The following RHPN2 variants were observed in gnomAD, a reference collection of about 807,000 sequenced individuals.
The protein encoded by RHPN2 is rhophilin-2.
In RHPN2, 40 loss-of-function variants were observed where a neutral mutation model predicts 79.0. The ratio of observed to expected loss-of-function variants is 0.51; its 90% CI spans 0.39 to 0.66. RHPN2 has a LOEUF of 0.66. Ranked by LOEUF, RHPN2 falls within the 30% of genes least tolerant of loss-of-function variation. The pLI is 0.00. For missense variants in RHPN2, 686 were observed against 883.5 expected (o/e 0.78, Z 2.83); for synonymous variants, 285 against 363.5 (o/e 0.78, Z 2.46).
chr19:33,047,420 TA>T, intron 1 of RHPN2, among the ~76,000 whole-genome samples: 1 of 152,326 alleles, frequency 6.6e-6, no homozygotes, highest in East Asian at 1.9e-4. Context: ...AAGATCAGAA[TA>T]AAAGCTGCAT....
intron 9 of RHPN2, among the ~76,000 whole-genome samples, chr19:33,000,110 G>T (rs1467681074): frequency 1.3e-5 from 2 of 152,148 alleles, no homozygotes; most frequent in Admixed American, 1.3e-4. Context: ...GGGTTCAAAC[G>T]ATCCTCCTGC....
At chr19:33,028,142 T>A (rs1223848889) in intron 2 of RHPN2, among the ~76,000 whole-genome samples, 2 of 148,162 alleles carry the variant, frequency 1.3e-5, no homozygotes, top group Non-Finnish European at 3.0e-5. Context: ...ATAATCAATA[T>A]ACAAAAATCA....
At chr19:33,021,540 T>G in intron 4 of RHPN2, 31 bp downstream of exon 4, 1 of 1,583,564 alleles carries the variant, frequency 6.3e-7, no homozygotes, top group Non-Finnish European at 8.7e-7. Context: ...TTTTAAACAC[T>G]GAGTCTGGTG....
chr19:33,031,602 C>T (rs1972012726), intron 2 of RHPN2, among the ~76,000 whole-genome samples: 1 of 151,988 alleles, frequency 6.6e-6, no homozygotes, highest in Non-Finnish European at 1.5e-5. Context: ...TGGTCTCCAA[C>T]TCCTGGGCTC....
At chr19:33,027,489 T>C (rs1024693849) in intron 2 of RHPN2, among the ~76,000 whole-genome samples, 3 of 151,334 alleles carry the variant, frequency 2.0e-5, no homozygotes, top group Admixed American at 6.6e-5. Flanking sequence ...AGCAAGACAC[T>C]GTCTCTAAAA....
intron 1 of RHPN2, among the ~76,000 whole-genome samples, chr19:33,063,992 C>T (rs1317833600): frequency 6.6e-6 from 1 of 152,198 alleles, no homozygotes; most frequent in Non-Finnish European, 1.5e-5. Flanking sequence ...CCACCAGCAG[C>T]TCTCCCCTGC....
chr19:33,064,755 T>TGGCCCCCCCCCCCC, intron 1 of RHPN2, 29 bp downstream of exon 1: 2 of 1,427,946 alleles, frequency 1.4e-6, no homozygotes, highest in Non-Finnish European at 1.9e-6. Flanking sequence ...AGCCCGCAGG[T>TGGCCCCCCCCCCCC]CCCCGCCCGC....
chr19:33,012,611 GCCACC>G, intron 5 of RHPN2, 31 bp downstream of exon 5: 1 of 1,373,334 alleles, frequency 7.3e-7, no homozygotes, highest in Non-Finnish European at 1.0e-6. Flanking sequence ...ACTCGGAAAA[GCCACC>G]CTCCCCTCTC....
chr19:33,021,894 T>G lies in RHPN2; in HGVS notation c.315-248A>C, dbSNP rs1971927303. Among the ~76,000 whole-genome samples the G allele has an allele frequency of 2.0e-5, 3 of 152,290 alleles. 1 individual carries two copies. In the South Asian group the frequency reaches 6.2e-4, roughly 32 times the overall value. ...CTAACACATCAGGCCCCTGGCATCTTGACACTGATTTATCTTCCAGTTTCA... is the reference window on the plus strand; with the variant it reads ...CTAACACATCAGGCCCCTGGCATCTGGACACTGATTTATCTTCCAGTTTCA... On this transcript the variant is annotated intron_variant, in intron 3 of 14. Transcript: ENST00000254260.
chr19:33,032,299 G>A (rs1310085476), intron 2 of RHPN2, among the ~76,000 whole-genome samples: 1 of 152,294 alleles, frequency 6.6e-6, no homozygotes, highest in East Asian at 1.9e-4. Flanking sequence ...TTATAGGCGT[G>A]AGCCACCGTG....
At chr19:32,996,361 G>A in intron 10 of RHPN2, 141 bp from the exon 11 acceptor site, 1 of 787,446 alleles carries the variant, frequency 1.3e-6, no homozygotes, top group South Asian at 1.5e-5. Context: ...ACCCTACCTT[G>A]TTTTAACCTG....
intron 2 of RHPN2, among the ~76,000 whole-genome samples, chr19:33,042,981 A>C (rs1403026937): frequency 9.2e-5 from 14 of 152,016 alleles, no homozygotes; most frequent in African/African-American, 3.1e-4. Context: ...GAGGAGGCTG[A>C]GGCAGGAGAA....
chr19:33,031,646 G>A (rs1352520531), intron 2 of RHPN2, among the ~76,000 whole-genome samples: 1 of 151,904 alleles, frequency 6.6e-6, no homozygotes, highest in Non-Finnish European at 1.5e-5. Context: ...ACCCTCCTGA[G>A]TAGCTGGAAC....
chr19:33,019,750 TG>T (rs1971907931), intron 4 of RHPN2, among the ~76,000 whole-genome samples: 1 of 150,820 alleles, frequency 6.6e-6, no homozygotes, highest in Non-Finnish European at 1.5e-5. Flanking sequence ...GGTGAAAAAG[TG>T]AGACTCTGTC....
chr19:33,005,377 C>T (rs1331837854), intron 7 of RHPN2, among the ~76,000 whole-genome samples: 1 of 135,108 alleles, frequency 7.4e-6, no homozygotes, highest in Non-Finnish European at 1.5e-5. Context: ...CTCGCCACTG[C>T]ACTCCAGCCT....
At chr19:32,983,748 T>C (rs910933651) in intron 14 of RHPN2, among the ~76,000 whole-genome samples, 1 of 147,554 alleles carries the variant, frequency 6.8e-6, no homozygotes, top group Non-Finnish European at 1.5e-5. Flanking sequence ...TGCCTCAGCC[T>C]CCCAAGTAGC....
rs1935489533 is a variant in RHPN2 at position 33,008,170 on chromosome 19, G to C, written c.604C>G (p.Leu202Val). The C allele has an allele frequency of 4.3e-6, 7 of 1,613,924 alleles. No homozygotes were observed. The African/African-American group carries it at 5.3e-5, about 12-fold the overall frequency. ...TGCTGGCTGACCGGAACCCCGGTGA[G>C]AGAGTCATACCTATGTGAAAGAAAT... ...MGLLFTWYDSLTGVPVSQQNL... is the reference protein window; with the variant it reads ...MGLLFTWYDSVTGVPVSQQNL... Residue 202 changes from leucine (L) to valine (V), a missense_variant, in exon 7 of 15, where the codon CTC (leucine) becomes GTC (valine). Coordinates refer to ENST00000254260, the MANE Select transcript of RHPN2 (RefSeq NM_033103.5).
chr19:33,062,832 C>T (rs1325333596), intron 1 of RHPN2, among the ~76,000 whole-genome samples: 1 of 151,728 alleles, frequency 6.6e-6, no homozygotes, highest in Non-Finnish European at 1.5e-5. Flanking sequence ...CCCAACTGTG[C>T]ACCTTTCCTA....
chr19:33,000,847 T>C (rs1256618162), intron 9 of RHPN2, among the ~76,000 whole-genome samples: 2 of 152,148 alleles, frequency 1.3e-5, no homozygotes, highest in Non-Finnish European at 2.9e-5. Context: ...TCCATGACTG[T>C]ACCATGGAGT....
Sources: gnomAD v4.1 joint callset for allele counts (sites outside exome capture counted in the v4.1 genomes callset) on GRCh38, gnomAD v4.1.1 for gene constraint, MANE v1.5 for transcripts, NCBI Gene and HGNC (gene_info 2026-07-23, HGNC 2026-07-21) for gene names.